The following DOCK4 variants were observed in gnomAD, a reference collection of about 807,000 sequenced individuals.
The protein encoded by DOCK4 is dedicator of cytokinesis protein 4.
Under a neutral mutation model 268.1 loss-of-function variants are expected in DOCK4, and 97 were observed. The observed-to-expected ratio is 0.36, with a 90% CI of 0.31 to 0.43. The LOEUF is 0.43. Ranked by LOEUF, DOCK4 falls within the 20% of genes least tolerant of loss-of-function variation. The pLI, the probability that DOCK4 is intolerant of heterozygous loss-of-function variation, is 1.00. For missense variants in DOCK4, 2,145 were observed against 2,455.7 expected, an observed-to-expected ratio of 0.87 and a Z score of 2.67; for synonymous variants, 954 against 887.2, an observed-to-expected ratio of 1.08 and a Z score of -1.34.
chr7:112,013,752 G>A (rs1415579939), intron 1 of DOCK4, among the ~76,000 whole-genome samples: 2 of 152,134 alleles, frequency 1.3e-5, no homozygotes, highest in Non-Finnish European at 2.9e-5. Context: ...GCTGAGCTTC[G>A]GCTCAGAGGC....
chr7:112,161,691 G>T (rs759841596), intron 1 of DOCK4, among the ~76,000 whole-genome samples: 10 of 152,192 alleles, frequency 6.6e-5, no homozygotes, highest in Non-Finnish European at 1.0e-4. Flanking sequence ...AGGAAGGTAG[G>T]TTAAGCTCTC....
chr7:111,741,807 G>T, intron 45 of DOCK4, 146 bp from the exon 46 acceptor site: 1 of 1,299,268 alleles, frequency 7.7e-7, no homozygotes, highest in Non-Finnish European at 1.0e-6. Context: ...AGTATTATTT[G>T]GCTTTCCCTC....
At chr7:111,862,584 A>G (rs944274042) in intron 23 of DOCK4, among the ~76,000 whole-genome samples, 1 of 139,438 alleles carries the variant, frequency 7.2e-6, no homozygotes, top group African/African-American at 2.7e-5. Flanking sequence ...TCTGTCTTCC[A>G]GGTTCAAGCA....
chr7:112,195,782 T>C (rs1820368122), intron 1 of DOCK4, among the ~76,000 whole-genome samples: 2 of 152,172 alleles, frequency 1.3e-5, no homozygotes, highest in South Asian at 2.1e-4. Flanking sequence ...TAATGTCCAA[T>C]TGATAGTCTA....
At chr7:112,187,499 T>G (rs1819577958) in intron 1 of DOCK4, among the ~76,000 whole-genome samples, 1 of 152,328 alleles carries the variant, frequency 6.6e-6, no homozygotes, top group Non-Finnish European at 1.5e-5. Context: ...AACACTTTCT[T>G]GCTCTGCCTC....
At chr7:112,181,500 T>A (rs1586991203) in intron 1 of DOCK4, among the ~76,000 whole-genome samples, 2 of 151,616 alleles carry the variant, frequency 1.3e-5, no homozygotes, top group Admixed American at 6.6e-5. Context: ...TACAAAAAAA[T>A]TTAAAAATTA....
intron 42 of DOCK4, among the ~76,000 whole-genome samples, chr7:111,750,488 T>C (rs534175802): frequency 6.6e-6 from 1 of 152,334 alleles, no homozygotes; most frequent in African/African-American, 2.4e-5. Context: ...GAATGTTTCA[T>C]AATCGACACT....
intron 43 of DOCK4, among the ~76,000 whole-genome samples, chr7:111,746,814 CTT>C (rs59197701): frequency 0.04 from 4,397 of 110,672 alleles, 117 homozygotes; most frequent in Middle Eastern, 0.061. Flanking sequence ...TCGGTCTTAT[CTT>C]TTTTTTTTTT....
At chr7:111,762,757 G>GTTTTTTTTTTTTTTTTT (rs1797499588) in intron 39 of DOCK4, among the ~76,000 whole-genome samples, 2 of 55,008 alleles carry the variant, frequency 3.6e-5, no homozygotes, top group African/African-American at 1.3e-4. Flanking sequence ...ATTTTGTTTT[G>GTTTTTTTTTTTTTTTTT]TTTTCTTTTT....
intron 1 of DOCK4, among the ~76,000 whole-genome samples, chr7:112,025,138 A>G (rs980694289): frequency 3.9e-5 from 6 of 152,164 alleles, no homozygotes; most frequent in African/African-American, 1.4e-4. Context: ...TGCTGACATA[A>G]GCCAAATCCT....
chr7:112,165,409 T>C (rs776113192), intron 1 of DOCK4, among the ~76,000 whole-genome samples: 3 of 152,088 alleles, frequency 2.0e-5, no homozygotes, highest in Non-Finnish European at 2.9e-5. Context: ...TATGAGAACA[T>C]GCGGAATCTG....
chr7:112,155,608 C>T (rs1166189770), intron 1 of DOCK4, among the ~76,000 whole-genome samples: 2 of 152,196 alleles, frequency 1.3e-5, no homozygotes, highest in Admixed American at 6.5e-5. Flanking sequence ...GCAATCACCA[C>T]CCAGTGGGTT....
At chr7:112,177,565 C>T (rs924452749) in intron 1 of DOCK4, among the ~76,000 whole-genome samples, 4 of 152,188 alleles carry the variant, frequency 2.6e-5, no homozygotes, top group Admixed American at 2.0e-4. Context: ...ACCAGTCACA[C>T]ACCAACATAG....
Position 111,977,118 on chromosome 7 carries a change from C to A in DOCK4, c.701+14G>T. On this transcript the variant is annotated intron_variant, in intron 8 of 52. Coordinates refer to ENST00000428084, the MANE Select transcript of DOCK4 (RefSeq NM_001363540.2). ...ACATTAAGACATTGAAACCCTATCT[C>A]CACGTGCAGGTACCTGATTGGCCGG... 6 of 1,612,800 alleles carry A rather than the reference C, an allele frequency of 3.7e-6. No individual in the cohort carries two copies. Among genetic ancestry groups the A allele is most frequent in the Non-Finnish European group, 5.1e-6 (6 of 1,179,422 alleles).
intron 1 of DOCK4, among the ~76,000 whole-genome samples, chr7:112,063,130 AAC>A (rs989567318): frequency 6.6e-6 from 1 of 152,212 alleles, no homozygotes; most frequent in African/African-American, 2.4e-5. Context: ...GTTTAAAATA[AAC>A]CACACTAGGT....
At chr7:112,183,632 C>T (rs1819240847) in intron 1 of DOCK4, among the ~76,000 whole-genome samples, 1 of 152,162 alleles carries the variant, frequency 6.6e-6, no homozygotes, top group Admixed American at 6.5e-5. Flanking sequence ...CCAACAAATG[C>T]CAGGAGGGCT....
At chr7:111,989,623 T>C (rs778946437) in intron 5 of DOCK4, among the ~76,000 whole-genome samples, 2 of 152,246 alleles carry the variant, frequency 1.3e-5, no homozygotes, top group Non-Finnish European at 1.5e-5. Flanking sequence ...GTCTCAATAC[T>C]TTATTGGATC....
chr7:112,017,505 G>A (rs1251177050), intron 1 of DOCK4, among the ~76,000 whole-genome samples: 1 of 152,160 alleles, frequency 6.6e-6, no homozygotes, highest in Non-Finnish European at 1.5e-5. Flanking sequence ...TGGCAAATGT[G>A]GAGACACAAT....
chr7:111,805,007 CAGGT>C (rs1442511675), intron 30 of DOCK4, among the ~76,000 whole-genome samples: 1 of 152,190 alleles, frequency 6.6e-6, no homozygotes, highest in Non-Finnish European at 1.5e-5. Context: ...GCACTGGAGA[CAGGT>C]AGCATGACTT....
Sources: allele counts gnomAD v4.1 joint callset (sites outside exome capture counted in the v4.1 genomes callset), GRCh38; gene constraint gnomAD v4.1.1; transcripts MANE v1.5; gene names NCBI Gene and HGNC (gene_info 2026-07-23, HGNC 2026-07-21).